CACNB2: variants seen among roughly 807,000 people sequenced by gnomAD.
The protein encoded by CACNB2 is calcium voltage-gated channel auxiliary subunit beta 2.
CACNB2 carries 42 observed loss-of-function variants against 73.3 expected under a neutral mutation model. The observed-to-expected ratio is 0.57, with a 90% CI of 0.45 to 0.74. The LOEUF (loss-of-function observed/expected upper bound fraction) is 0.74. Among genes scored for constraint, CACNB2 ranks in the 30% least tolerant of loss-of-function variants. The probability of loss-of-function intolerance (pLI) is 0.00; values close to 1 mark genes in which losing one functional copy is unlikely to be tolerated. For missense variants in CACNB2, 940 were observed against 853.0 expected (o/e 1.10, Z -1.27); for synonymous variants, 348 against 310.3 (o/e 1.12, Z -1.28).
intron 3 of CACNB2, among the ~76,000 whole-genome samples, chr10:18,478,079 C>T (rs890765761): frequency 6.6e-6 from 1 of 151,962 alleles, no homozygotes; most frequent in Non-Finnish European, 1.5e-5. Context: ...ATACAGGCAG[C>T]GGCCACCACG....
At chr10:18,515,899 T>C (rs939793383) in intron 7 of CACNB2, among the ~76,000 whole-genome samples, 3 of 152,226 alleles carry the variant, frequency 2.0e-5, no homozygotes, top group African/African-American at 7.2e-5. Flanking sequence ...TAAAAACTTT[T>C]ATCACAATTT....
At chr10:18,483,531 CAAAA>C (rs58945993) in intron 3 of CACNB2, among the ~76,000 whole-genome samples, 1 of 115,174 alleles carries the variant, frequency 8.7e-6, no homozygotes. Flanking sequence ...AACTCTGTCT[CAAAA>C]AAAAAAAAAA....
chr10:18,484,630 A>T (rs557022261), intron 3 of CACNB2, among the ~76,000 whole-genome samples: 2 of 152,272 alleles, frequency 1.3e-5, no homozygotes, highest in South Asian at 2.1e-4. Context: ...CTGTAGCTAA[A>T]GTTCTTTGGC....
intron 9 of CACNB2, chr10:18,519,659 C>T (rs1564645341): frequency 2.2e-6 from 1 of 452,448 alleles, no homozygotes; most frequent in Non-Finnish European, 4.4e-6. Context: ...ATGTTAATTC[C>T]TATCACATTG....
At chr10:18,277,734 CTA>C (rs2038361185) in intron 2 of CACNB2, among the ~76,000 whole-genome samples, 1 of 152,192 alleles carries the variant, frequency 6.6e-6, no homozygotes, top group African/African-American at 2.4e-5. Flanking sequence ...GTCTCAGACA[CTA>C]TGTTATTCTT....
intron 3 of CACNB2, among the ~76,000 whole-genome samples, chr10:18,474,496 T>TA (rs1168496953): frequency 6.6e-6 from 1 of 152,190 alleles, no homozygotes; most frequent in Non-Finnish European, 1.5e-5. Context: ...CATGGATTGT[T>TA]AGACTGTACA....
In CACNB2 at chr10:18,505,409, GAT is replaced by G. The variant is rs531401830; in HGVS notation, c.594-1058_594-1057del. Among the ~76,000 whole-genome samples the G allele has an allele frequency of 8.3e-4, 127 of 152,226 alleles. 2 individuals carry two copies. The highest frequency in any genetic ancestry group is 2.9e-3 in the African/African-American group (119 of 41,544). On this transcript the variant is annotated intron_variant, in intron 5 of 13. Coordinates refer to ENST00000324631, the MANE Select transcript of CACNB2 (RefSeq NM_201596.3). ...GAGTATCTCTTAAGAACCTTAAAAA[GAT>G]ATACAGCCCTCCTGCTAATTGCCTA...
At chr10:18,481,466 C>G (rs981570265) in intron 3 of CACNB2, among the ~76,000 whole-genome samples, 4 of 150,822 alleles carry the variant, frequency 2.7e-5, no homozygotes, top group Non-Finnish European at 5.9e-5. Context: ...AGGCTGGTCT[C>G]AAACTCCTGA....
At chr10:18,463,466 G>A (rs541150532) in intron 3 of CACNB2, among the ~76,000 whole-genome samples, 1 of 152,232 alleles carries the variant, frequency 6.6e-6, no homozygotes, top group African/African-American at 2.4e-5. Context: ...GATTGCAATG[G>A]CACAAGCATA....
At chr10:18,471,499 A>G (rs2048185737) in intron 3 of CACNB2, among the ~76,000 whole-genome samples, 1 of 152,244 alleles carries the variant, frequency 6.6e-6, no homozygotes, top group Non-Finnish European at 1.5e-5. Context: ...TCTGCAAGAT[A>G]GGAAGCTATT....
chr10:18,174,209 C>A (rs1028509054), intron 2 of CACNB2, among the ~76,000 whole-genome samples: 2 of 144,848 alleles, frequency 1.4e-5, no homozygotes, highest in Non-Finnish European at 3.0e-5. Flanking sequence ...TCCTTCTTTC[C>A]CTTCCTTTCT....
In CACNB2 at chr10:18,454,731, T is replaced by C. The variant is rs370244447; in HGVS notation, c.334-43624T>C. ...TCTTTCCAATGGAGGAGACAGATGATACTGGTTTTTTCAAAAGTGTGATAT... is the reference window on the plus strand; with the variant it reads ...TCTTTCCAATGGAGGAGACAGATGACACTGGTTTTTTCAAAAGTGTGATAT... On this transcript the variant is annotated intron_variant, in intron 3 of 13. Coordinates refer to ENST00000324631, the MANE Select transcript of CACNB2 (RefSeq NM_201596.3). 2.0e-5 allele frequency among the ~76,000 whole-genome samples: 3 copies of C among 152,196 alleles called. No homozygotes were observed. The South Asian group carries it at 6.2e-4, about 31-fold the overall frequency.
chr10:18,252,487 T>C (rs1277592280), intron 2 of CACNB2, among the ~76,000 whole-genome samples: 4 of 152,240 alleles, frequency 2.6e-5, no homozygotes, highest in African/African-American at 4.8e-5. Context: ...TATTATGGGA[T>C]GCATTTCGAG....
rs144992948 is a variant in CACNB2 at position 18,228,501 on chromosome 10, G to A, written c.213+77526G>A. On this transcript the variant is annotated intron_variant, in intron 2 of 13. Coordinates refer to ENST00000324631, the MANE Select transcript of CACNB2 (RefSeq NM_201596.3). ...TAATACATTGTTTTTAGGCAAAGAT[G>A]GAAAGCATCTTATTAGTCTTACCAG... is the stretch of plus-strand genomic sequence containing the variant. Among the ~76,000 whole-genome samples, 3 of 146,176 alleles carry A rather than the reference G, an allele frequency of 2.1e-5. No individual in the cohort carries two copies. The Admixed American group carries it at 2.1e-4, about 10-fold the overall frequency.
chr10:18,461,616 G>A (rs1005894605), intron 3 of CACNB2, among the ~76,000 whole-genome samples: 5 of 151,940 alleles, frequency 3.3e-5, no homozygotes, highest in African/African-American at 1.2e-4. Context: ...AGATCATCAG[G>A]CATTAGTTAG....
chr10:18,390,613 T>C (rs1284587419), intron 2 of CACNB2, among the ~76,000 whole-genome samples: 2 of 152,072 alleles, frequency 1.3e-5, no homozygotes, highest in Non-Finnish European at 2.9e-5. Context: ...TTACCCAACA[T>C]TGCTTGAAGA....
In CACNB2 at chr10:18,150,890, GA is replaced by G; in HGVS notation, c.132del (p.Gly45GlufsTer116). ...GALGAAAQSY[G>X]KGARRKNRFK... Reference sequence around the variant, plus strand: ...TTTTTTTTTTTTTTTTAGTCATATGGAAAAGGAGCCAGAAGGAAAAACAGAT... The same window carrying G: ...TTTTTTTTTTTTTTTTAGTCATATGGAAAGGAGCCAGAAGGAAAAACAGAT... On this transcript the variant is annotated frameshift_variant, in exon 2 of 14. Coordinates refer to ENST00000324631, the MANE Select transcript of CACNB2 (RefSeq NM_201596.3). LOFTEE classifies it high-confidence loss of function. The G allele has an allele frequency of 1.6e-6, 1 of 643,530 alleles. No homozygotes were observed. The highest frequency in any genetic ancestry group is 2.3e-6 in the Non-Finnish European group (1 of 437,276). The allele number at this position is 643,530 out of a possible 1,614,324, so 39.9% of individuals were successfully genotyped here. A position where few individuals can be genotyped will look rare whatever the true frequency, so the allele number is the denominator to read the frequency against.
intron 2 of CACNB2, among the ~76,000 whole-genome samples, chr10:18,280,402 GC>G (rs2038490570): frequency 1.3e-5 from 2 of 152,142 alleles, no homozygotes; most frequent in South Asian, 2.1e-4. Context: ...GTCCAAGGAT[GC>G]CCGAGCCAAG....
intron 2 of CACNB2, among the ~76,000 whole-genome samples, chr10:18,351,625 G>A (rs1430083617): frequency 1.3e-5 from 2 of 152,192 alleles, no homozygotes; most frequent in African/African-American, 2.4e-5. Flanking sequence ...CAAGCCGAGA[G>A]AAATAATTTC....
Sources: gnomAD v4.1 joint callset for allele counts (sites outside exome capture counted in the v4.1 genomes callset) on GRCh38, gnomAD v4.1.1 for gene constraint, MANE v1.5 for transcripts, NCBI Gene and HGNC (gene_info 2026-07-23, HGNC 2026-07-21) for gene names.